The following LIMCH1 variants were observed in gnomAD, a reference collection of about 807,000 sequenced individuals.
The protein encoded by LIMCH1 is LIM and calponin homology domains 1, also known as LIM and calponin homology domains-containing protein 1.
In LIMCH1, 113 loss-of-function variants were observed where a neutral mutation model predicts 176.5. That is an observed-to-expected ratio of 0.64 (90% CI 0.55 to 0.75). The LOEUF is 0.75. Ranked by LOEUF, LIMCH1 falls within the 30% of genes least tolerant of loss-of-function variation. LIMCH1 has a pLI of 0.00. For synonymous variants in LIMCH1, 619 were observed against 645.9 expected (o/e 0.96, Z 0.63); for missense variants, 1,674 against 1,814.9 (o/e 0.92, Z 1.41).
intron 1 of LIMCH1, among the ~76,000 whole-genome samples, chr4:41,586,335 C>T (rs907920029): frequency 1.3e-5 from 2 of 151,850 alleles, no homozygotes; most frequent in African/African-American, 4.8e-5. Flanking sequence ...GTCTGAAACC[C>T]CTGGGCTCAA....
intron 2 of LIMCH1, among the ~76,000 whole-genome samples, chr4:41,511,193 C>T (rs1290488189): frequency 6.6e-6 from 1 of 152,214 alleles, no homozygotes; most frequent in Non-Finnish European, 1.5e-5. Context: ...TCCATTTGCA[C>T]TGGTCACAGA....
chr4:41,515,568 T>A (rs1237877316), intron 2 of LIMCH1, among the ~76,000 whole-genome samples: 3 of 152,252 alleles, frequency 2.0e-5, no homozygotes, highest in African/African-American at 7.2e-5. Flanking sequence ...ACCGGGCCTG[T>A]GCCAAGTGCA....
At chr4:41,565,197 TG>T (rs1275656033) in intron 1 of LIMCH1, among the ~76,000 whole-genome samples, 1 of 151,682 alleles carries the variant, frequency 6.6e-6, no homozygotes, top group Non-Finnish European at 1.5e-5. Flanking sequence ...GATATTGGAG[TG>T]GTTTTCTTTT....
At chr4:41,508,375 T>G (rs2074431417) in intron 2 of LIMCH1, among the ~76,000 whole-genome samples, 1 of 152,078 alleles carries the variant, frequency 6.6e-6, no homozygotes, top group Non-Finnish European at 1.5e-5. Context: ...GGCTCCTCTG[T>G]TTGTTGGAGA....
At chr4:41,531,507 C>CACAT (rs756627609) in intron 3 of LIMCH1, among the ~76,000 whole-genome samples, 4 of 146,730 alleles carry the variant, frequency 2.7e-5, no homozygotes, top group Non-Finnish European at 4.5e-5. Flanking sequence ...CACACACACA[C>CACAT]ACACACACAT....
chr4:41,483,526 T>C (rs1333485585), intron 1 of LIMCH1, among the ~76,000 whole-genome samples: 2 of 152,132 alleles, frequency 1.3e-5, no homozygotes, highest in African/African-American at 4.8e-5. Flanking sequence ...GCTCCCATCT[T>C]CTGGGTTGTC....
chr4:41,618,987 T>A (rs1048517735), intron 5 of LIMCH1, among the ~76,000 whole-genome samples: 1 of 152,198 alleles, frequency 6.6e-6, no homozygotes, highest in African/African-American at 2.4e-5. Context: ...GTCAGGTTTT[T>A]TTCCTGATTT....
chr4:41,616,410 T>C (rs1400673750), intron 5 of LIMCH1, among the ~76,000 whole-genome samples: 1 of 152,004 alleles, frequency 6.6e-6, no homozygotes, highest in East Asian at 1.9e-4. Context: ...GCGCCTGTAA[T>C]TCCAGCTACT....
In LIMCH1 at chr4:41,633,791, A is replaced by G; in HGVS notation, c.2073A>G (p.Leu691=). ...ATGTGGAAGAATCTTCTAAAGGTCT[A>G]CCCATGAAAGATCAGAGGTCAGAAA... ...QQDVEESSKG[L]PMKDQRYGPR... Residue 691 remains leucine (L), a synonymous_variant, in exon 13 of 32, where the codon CTA becomes CTG. Coordinates refer to ENST00000503057, the MANE Select transcript of LIMCH1 (RefSeq NM_001330672.2). The G allele has an allele frequency of 6.5e-7, 1 of 1,536,124 alleles. No homozygotes were observed. The highest frequency in any genetic ancestry group is 8.7e-7 in the Non-Finnish European group (1 of 1,146,876).
upstream of LIMCH1, among the ~76,000 whole-genome samples, chr4:41,533,866 A>G (rs1031198448): frequency 1.3e-5 from 2 of 152,182 alleles, no homozygotes; most frequent in African/African-American, 4.8e-5. Context: ...TCTGAGTCAG[A>G]AGGACCTGGG....
At position 41,360,795 on chromosome 4, in the gene LIMCH1, G is replaced by A; in HGVS notation, c.-46G>A. ...GCGCGCTCCTGCGGCGGCGACGGCG[G>A]CGGCCGTCCTCATCCCGGCGCTTGA... On this transcript the variant is annotated 5_prime_UTR_variant, in exon 1 of 27. Coordinates refer to the LIMCH1 transcript ENST00000313860. The surrounding 1 kb of genome is among the most constrained non-coding windows in gnomAD (Gnocchi z 4.5). 3 of 1,435,074 alleles carry A rather than the reference G, an allele frequency of 2.1e-6. No homozygotes were observed. The highest frequency in any genetic ancestry group is 2.8e-6 in the Non-Finnish European group (3 of 1,070,320). 88.9% of individuals were successfully genotyped at this position (1,435,074 alleles called of 1,614,324 possible).
At chr4:41,468,822 C>T (rs766899435) in intron 1 of LIMCH1, among the ~76,000 whole-genome samples, 10 of 152,070 alleles carry the variant, frequency 6.6e-5, no homozygotes, top group Non-Finnish European at 1.3e-4. Context: ...TGGGTGGCAG[C>T]TCGGATTTCT....
At position 41,698,802 on chromosome 4, in the gene LIMCH1, G is replaced by A. The variant is rs567445975; in HGVS notation, c.*1617G>A. On this transcript the variant is annotated 3_prime_UTR_variant, in exon 32 of 32. Transcript: ENST00000503057. ...GGATTTCGACCATATTTGTCATTTGGATGAGCTGTTATTAGATTGAAATCT... is the reference window on the plus strand; with the variant it reads ...GGATTTCGACCATATTTGTCATTTGAATGAGCTGTTATTAGATTGAAATCT... 6.7e-6 allele frequency: 1 copy of A among 150,294 alleles called. No homozygotes were observed. Among genetic ancestry groups the A allele is most frequent in the African/African-American group, 2.5e-5 (1 of 40,538 alleles). 9.3% of individuals were successfully genotyped at this position (150,294 alleles called of 1,614,324 possible).
At chr4:41,474,975 C>T (rs1414201955) in intron 1 of LIMCH1, among the ~76,000 whole-genome samples, 1 of 151,378 alleles carries the variant, frequency 6.6e-6, no homozygotes, top group Non-Finnish European at 1.5e-5. Context: ...GAGTATTATT[C>T]AGCCTTAAAA....
intron 1 of LIMCH1, among the ~76,000 whole-genome samples, chr4:41,363,128 C>T (rs2052403381): frequency 6.6e-6 from 1 of 152,204 alleles, no homozygotes; most frequent in African/African-American, 2.4e-5. Flanking sequence ...CCCCTTCCTT[C>T]CCAGAGGTTC....
At chr4:41,523,693 A>T (rs1221345659) in intron 2 of LIMCH1, among the ~76,000 whole-genome samples, 3 of 151,618 alleles carry the variant, frequency 2.0e-5, no homozygotes, top group Admixed American at 2.0e-4. Flanking sequence ...GTTTCTCTTC[A>T]CTCTGGGTTT....
intron 19 of LIMCH1, 87 bp downstream of exon 19, chr4:41,661,597 G>A (rs2094621924): frequency 1.1e-5 from 11 of 1,013,642 alleles, no homozygotes; most frequent in African/African-American, 1.6e-5. Flanking sequence ...TTCCTACTGA[G>A]CCACAGGAAA....
At position 41,605,876 on chromosome 4, in the gene LIMCH1, G is replaced by A; in HGVS notation, c.-102-18G>A. 1 of 1,530,734 alleles carries A rather than the reference G, an allele frequency of 6.5e-7. No homozygotes were observed. Among genetic ancestry groups the A allele is most frequent in the Non-Finnish European group, 9.1e-7 (1 of 1,104,966 alleles). The allele number at this position is 1,530,734 out of a possible 1,614,324, so 94.8% of individuals were successfully genotyped here. On this transcript the variant is annotated intron_variant, in intron 3 of 31. Transcript: ENST00000503057. ...ATTCTTGAGGGAAAAATCTGCTCTTGTGCGTTTTGTTCCACAGGTATTAGT... is the reference window on the plus strand; with the variant it reads ...ATTCTTGAGGGAAAAATCTGCTCTTATGCGTTTTGTTCCACAGGTATTAGT...
intron 1 of LIMCH1, among the ~76,000 whole-genome samples, chr4:41,454,011 C>G (rs2064213196): frequency 6.6e-6 from 1 of 152,134 alleles, no homozygotes; most frequent in Admixed American, 6.5e-5. Flanking sequence ...TCCTTCCTAT[C>G]TAAGTTTAAA....
Sources: allele counts gnomAD v4.1 joint callset (sites outside exome capture counted in the v4.1 genomes callset), GRCh38; gene constraint gnomAD v4.1.1; non-coding constraint Gnocchi (gnomAD v3.1); transcripts MANE v1.5; gene names NCBI Gene and HGNC (gene_info 2026-07-23, HGNC 2026-07-21).